The following IFT43 variants were observed in gnomAD, a reference collection of about 807,000 sequenced individuals.
IFT43 encodes the protein intraflagellar transport protein 43 homolog.
Under a neutral mutation model 32.3 loss-of-function variants are expected in IFT43, and 33 were observed. That is an observed-to-expected ratio of 1.02 (90% confidence interval 0.77 to 1.37). The LOEUF (loss-of-function observed/expected upper bound fraction) is 1.37, where lower values mean the gene tolerates loss of function less well. Ranked by LOEUF, IFT43 falls within the 40% of genes most tolerant of loss-of-function variation. The pLI is 0.00. For missense variants in IFT43, 274 were observed against 265.9 expected (o/e 1.03, Z -0.21); for synonymous variants, 93 against 98.2 (o/e 0.95, Z 0.31).
intron 3 of IFT43, among the ~76,000 whole-genome samples, chr14:76,051,524 C>T (rs769493489): frequency 4.6e-5 from 7 of 152,090 alleles, no homozygotes; most frequent in Non-Finnish European, 1.0e-4. Context: ...TTTGGCGCTT[C>T]ACACATTTAT....
intron 4 of IFT43, 80 bp downstream of exon 4, chr14:76,058,754 T>C (rs767855536): frequency 6.2e-7 from 1 of 1,605,974 alleles, no homozygotes; most frequent in Admixed American, 1.7e-5. Context: ...TCATGATCTG[T>C]TCCACCTATG....
intron 5 of IFT43, among the ~76,000 whole-genome samples, chr14:76,071,146 G>T (rs1325103731): frequency 1.3e-5 from 2 of 152,182 alleles, no homozygotes; most frequent in Non-Finnish European, 2.9e-5. Flanking sequence ...CGGGGGCCGG[G>T]TGAGGTGGAT....
chr14:76,000,262 C>CTTTTTT (rs35001298), intron 2 of IFT43, among the ~76,000 whole-genome samples: 1 of 115,558 alleles, frequency 8.7e-6, no homozygotes, highest in Non-Finnish European at 1.8e-5. Context: ...TAACTGGCTT[C>CTTTTTT]TTTTTTTTTT....
At chr14:76,065,506 C>G (rs2037211758) in intron 5 of IFT43, among the ~76,000 whole-genome samples, 1 of 152,184 alleles carries the variant, frequency 6.6e-6, no homozygotes, top group Non-Finnish European at 1.5e-5. Flanking sequence ...TCCTTCCTCT[C>G]TCTCCCTTGG....
In IFT43 at chr14:76,083,455, C is replaced by T. The variant is rs777552511; in HGVS notation, c.508-3C>T. 2 of 1,614,044 alleles carry T rather than the reference C, an allele frequency of 1.2e-6. No homozygotes were observed. Among genetic ancestry groups the T allele is most frequent in the East Asian group, 4.5e-5 (2 of 44,888 alleles). Reference sequence around the variant, plus strand: ...TCTTACCCAGCGAAACCCTTCTTGGCAGGATGATGTCGGCTGGGACTGGGA... The same window carrying T: ...TCTTACCCAGCGAAACCCTTCTTGGTAGGATGATGTCGGCTGGGACTGGGA... On this transcript the variant is annotated splice_region_variant and splice_polypyrimidine_tract_variant and intron_variant, in intron 8 of 8. Coordinates refer to ENST00000314067, the MANE Select transcript of IFT43 (RefSeq NM_001102564.3).
At chr14:76,075,528 G>GATCCACT (rs1389841313) in intron 5 of IFT43, among the ~76,000 whole-genome samples, 1 of 152,140 alleles carries the variant, frequency 6.6e-6, no homozygotes, top group Non-Finnish European at 1.5e-5. Context: ...ATACGATTGA[G>GATCCACT]ATCCACTAAT....
intron 3 of IFT43, among the ~76,000 whole-genome samples, chr14:76,051,142 A>G (rs776936430): frequency 2.2e-4 from 33 of 150,424 alleles, no homozygotes; most frequent in Non-Finnish European, 3.8e-4. Flanking sequence ...CGTGACCTAA[A>G]ACCCCAGAGT....
intron 3 of IFT43, among the ~76,000 whole-genome samples, chr14:76,029,831 T>C (rs1450943518): frequency 1.3e-5 from 2 of 149,426 alleles, no homozygotes; most frequent in Non-Finnish European, 3.0e-5. Flanking sequence ...GTGCCTATTT[T>C]TGTACTTTTT....
chr14:75,996,772 T>C (rs1826993335), intron 2 of IFT43, among the ~76,000 whole-genome samples: 1 of 152,252 alleles, frequency 6.6e-6, no homozygotes, highest in African/African-American at 2.4e-5. Flanking sequence ...ATTTTGTTGT[T>C]CTGGGGGCAG....
intron 2 of IFT43, among the ~76,000 whole-genome samples, chr14:76,004,537 A>G (rs2035947647): frequency 6.6e-6 from 1 of 152,060 alleles, no homozygotes; most frequent in Non-Finnish European, 1.5e-5. Flanking sequence ...AGGATTTGCT[A>G]AGGTTTGCTG....
chr14:75,991,262 C>T lies in IFT43; in HGVS notation c.147+2285C>T, dbSNP rs141417695. On this transcript the variant is annotated intron_variant, in intron 2 of 8. Transcript: ENST00000314067. Reference sequence around the variant, plus strand: ...AGGAAAATTGCTTGAACCCGGGAGGCGGAGGTTGCAGTGAGCTGAGATCTT... The same window carrying T: ...AGGAAAATTGCTTGAACCCGGGAGGTGGAGGTTGCAGTGAGCTGAGATCTT... Among the ~76,000 whole-genome samples, 912 of 151,922 alleles carry T rather than the reference C, an allele frequency of 6.0e-3. 9 individuals are homozygous for T. Among genetic ancestry groups the T allele is most frequent in the African/African-American group, 0.021 (863 of 41,398 alleles).
intron 3 of IFT43, among the ~76,000 whole-genome samples, chr14:76,033,986 A>C (rs1375824884): frequency 6.6e-6 from 1 of 152,210 alleles, no homozygotes; most frequent in Non-Finnish European, 1.5e-5. Flanking sequence ...GATCATGAAG[A>C]AGGCATTTTG....
chr14:76,066,160 G>T (rs1037413404), intron 5 of IFT43, among the ~76,000 whole-genome samples: 8 of 152,202 alleles, frequency 5.3e-5, no homozygotes, highest in Non-Finnish European at 1.5e-5. Flanking sequence ...TGATTGATGG[G>T]CTGCTTAATA....
At chr14:76,008,431 C>T (rs567020729) in intron 2 of IFT43, among the ~76,000 whole-genome samples, 1 of 152,270 alleles carries the variant, frequency 6.6e-6, no homozygotes, top group African/African-American at 2.4e-5. Context: ...GGAGTCTACT[C>T]TATGCCAGGG....
At chr14:75,988,261 C>T (rs138681510) in intron 1 of IFT43, among the ~76,000 whole-genome samples, 105 of 152,172 alleles carry the variant, frequency 6.9e-4, no homozygotes, top group African/African-American at 2.3e-3. Context: ...TACCTGTGGT[C>T]CCAGCTACTC....
At chr14:76,058,544 C>T (rs1395922026) in intron 3 of IFT43, 98 bp from the exon 4 acceptor site, 3 of 1,420,628 alleles carry the variant, frequency 2.1e-6, no homozygotes, top group African/African-American at 1.4e-5. Flanking sequence ...TTGAGATATA[C>T]TAATTTGCCT....
At chr14:76,050,275 T>A (rs2036888939) in intron 3 of IFT43, among the ~76,000 whole-genome samples, 2 of 152,212 alleles carry the variant, frequency 1.3e-5, no homozygotes, top group Admixed American at 6.5e-5. Context: ...ATTGTGAACC[T>A]CAGTTTCCAG....
At chr14:75,991,419 GTGTGTGTA>G (rs1282681610) in intron 2 of IFT43, among the ~76,000 whole-genome samples, 6 of 148,584 alleles carry the variant, frequency 4.0e-5, no homozygotes, top group South Asian at 4.2e-4. Flanking sequence ...GTGTGTGTGT[GTGTGTGTA>G]TGTATGTATA....
intron 3 of IFT43, among the ~76,000 whole-genome samples, chr14:76,029,727 C>G (rs967383733): frequency 3.3e-5 from 5 of 151,878 alleles, no homozygotes; most frequent in Non-Finnish European, 7.4e-5. Context: ...ATGTCCTTTC[C>G]CTGTTGCTTA....
Sources: allele counts gnomAD v4.1 joint callset (sites outside exome capture counted in the v4.1 genomes callset), GRCh38; gene constraint gnomAD v4.1.1; transcripts MANE v1.5; gene names NCBI Gene and HGNC (gene_info 2026-07-23, HGNC 2026-07-21).